ZNF503: variants seen among roughly 807,000 people sequenced by gnomAD.
The protein encoded by ZNF503 is NocA-like zinc finger 2.
Under a neutral mutation model 34.4 loss-of-function variants are expected in ZNF503, and 15 were observed. The ratio of observed to expected loss-of-function variants is 0.44; its 90% confidence interval spans 0.29 to 0.67. The LOEUF (loss-of-function observed/expected upper bound fraction) is 0.67. Ranked by LOEUF, ZNF503 falls within the 30% of genes least tolerant of loss-of-function variation. The pLI, the probability that ZNF503 is intolerant of heterozygous loss-of-function variation, is 0.13. For synonymous variants in ZNF503, 580 were observed against 456.8 expected, an observed-to-expected ratio of 1.27 and a Z score of -3.44; for missense variants, 1,007 against 926.8, an observed-to-expected ratio of 1.09 and a Z score of -1.12.
chr10:75,367,783 T>C, the ZNF503 span, among the ~76,000 whole-genome samples: 2 of 152,196 alleles, frequency 1.3e-5, no homozygotes, highest in Non-Finnish European at 2.9e-5. Context: ...CTGGTTATTA[T>C]TTTATCACAG....
rs1378637255 is a variant in ZNF503 at position 75,398,733 on chromosome 10, G to T, written c.*16C>A. On this transcript the variant is annotated 3_prime_UTR_variant, in exon 2 of 2. Transcript: ENST00000372524. The stretch of plus-strand genomic sequence containing the variant: ...CCCCTCTCCCTCCTCTCCCTCGCTC[G>T]CCCTCCCGGCCGCCCTCACTGATAC... 7.4e-7 allele frequency: 1 copy of T among 1,349,920 alleles called. No individual in the cohort carries two copies. Among genetic ancestry groups the T allele is most frequent in the East Asian group, 2.9e-5 (1 of 34,808 alleles). 83.6% of individuals were successfully genotyped at this position (1,349,920 alleles called of 1,614,324 possible).
At chr10:75,334,906 C>T in the ZNF503 span, among the ~76,000 whole-genome samples, 1 of 152,202 alleles carries the variant, frequency 6.6e-6, no homozygotes, top group African/African-American at 2.4e-5. Flanking sequence ...CATTTTTCTT[C>T]ATGATCTTTG....
the ZNF503 span, among the ~76,000 whole-genome samples, chr10:75,366,057 G>C: frequency 6.6e-6 from 1 of 152,214 alleles, no homozygotes; most frequent in South Asian, 2.1e-4. Context: ...TGGCCGCAAA[G>C]ATTCAGTTAG....
rs943580876 is a variant in ZNF503 at position 75,401,511 on chromosome 10, C to T, written c.-92G>A. 2.7e-5 allele frequency: 39 copies of T among 1,436,626 alleles called. No homozygotes were observed. Among genetic ancestry groups the T allele is most frequent in the Non-Finnish European group, 3.2e-5 (35 of 1,085,760 alleles). 89.0% of individuals were successfully genotyped at this position (1,436,626 alleles called of 1,614,324 possible). ...TGCGCGCTCGCCCCGGGAGCAGGAG[C>T]AGCGGGAGGAGGAGGAGCTGGCGCG... On this transcript the variant is annotated 5_prime_UTR_variant, in exon 1 of 2. Transcript: ENST00000372524.
Position 75,401,495 on chromosome 10 carries a change from G to T in ZNF503, c.-76C>A. On this transcript the variant is annotated 5_prime_UTR_variant, in exon 1 of 2. Coordinates refer to ENST00000372524, the MANE Select transcript of ZNF503 (RefSeq NM_032772.6). ...GGGGCGGGCTCGGGGCTGCGCGCTCGCCCCGGGAGCAGGAGCAGCGGGAGG... is the reference window on the plus strand; with the variant it reads ...GGGGCGGGCTCGGGGCTGCGCGCTCTCCCCGGGAGCAGGAGCAGCGGGAGG... 6.9e-7 allele frequency: 1 copy of T among 1,457,834 alleles called. No homozygotes were observed. The highest frequency in any genetic ancestry group is 9.0e-7 in the Non-Finnish European group (1 of 1,107,644). The allele number at this position is 1,457,834 out of a possible 1,614,324, so 90.3% of individuals were successfully genotyped here.
At chr10:75,383,954 T>A in the ZNF503 span, among the ~76,000 whole-genome samples, 1 of 152,230 alleles carries the variant, frequency 6.6e-6, no homozygotes, top group African/African-American at 2.4e-5. Context: ...GTCCTTGTGC[T>A]GAACTCTCAG....
the ZNF503 span, among the ~76,000 whole-genome samples, chr10:75,389,718 A>C: frequency 6.6e-6 from 1 of 152,172 alleles, no homozygotes; most frequent in Non-Finnish European, 1.5e-5. Context: ...CGACAAAACG[A>C]GACTCCATCT....
the ZNF503 span, among the ~76,000 whole-genome samples, chr10:75,339,087 CG>C: frequency 6.6e-6 from 1 of 152,072 alleles, no homozygotes; most frequent in South Asian, 2.1e-4. Flanking sequence ...AAAAATTAGC[CG>C]GACATTATGG....
the ZNF503 span, among the ~76,000 whole-genome samples, chr10:75,289,999 C>T: frequency 6.6e-6 from 1 of 152,202 alleles, no homozygotes; most frequent in Non-Finnish European, 1.5e-5. Flanking sequence ...CAATAATTCC[C>T]CATTCTCTCT....
Position 75,399,264 on chromosome 10 carries a change from G to GCAGCGGGTGCGTGGGGTACAC in ZNF503, c.1405_1425dup (p.Val469_Leu475dup). 6.3e-7 allele frequency: 1 copy of GCAGCGGGTGCGTGGGGTACAC among 1,597,674 alleles called. No homozygotes were observed. Among genetic ancestry groups the GCAGCGGGTGCGTGGGGTACAC allele is most frequent in the Non-Finnish European group, 8.5e-7 (1 of 1,172,562 alleles). ...GCCGTTAGCGAGGAGTGCACACCGT[G>GCAGCGGGTGCGTGGGGTACAC]CAGCGGGTGCGTGGGGTACACCAGC... On this transcript the variant is annotated inframe_insertion, in exon 2 of 2. Transcript: ENST00000372524.
the ZNF503 span, among the ~76,000 whole-genome samples, chr10:75,359,650 G>A: frequency 6.6e-6 from 1 of 152,202 alleles, no homozygotes; most frequent in African/African-American, 2.4e-5. Context: ...AATGTCTGGG[G>A]TCCCCAGGAG....
Position 75,401,144 on chromosome 10 carries a change from G to A in ZNF503, c.276C>T (p.Tyr92=), listed in dbSNP as rs763757404. Residue 92 remains tyrosine (Y), a synonymous_variant, in exon 1 of 2, where the codon TAC becomes TAT. Transcript: ENST00000372524. ...ARTGHILHPE[Y]LQPLPSTPVS... ...CCGGCGTGGAAGGCAGGGGCTGCAG[G>A]TACTCGGGGTGCAAAATGTGGCCAG... 1.2e-5 allele frequency: 20 copies of A among 1,612,366 alleles called. No individual in the cohort carries two copies. The highest frequency in any genetic ancestry group is 2.2e-5 in the South Asian group (2 of 90,930).
chr10:75,291,524 T>C, the ZNF503 span, among the ~76,000 whole-genome samples: 2 of 152,062 alleles, frequency 1.3e-5, no homozygotes, highest in Non-Finnish European at 2.9e-5. Context: ...AGGGGGAGGA[T>C]TGCTTGAGCC....
rs1843830057 is a variant in ZNF503 at position 75,401,719 on chromosome 10, C to T, written c.-300G>A. The T allele has an allele frequency of 1.5e-5, 6 of 398,924 alleles. No homozygotes were observed. Among genetic ancestry groups the T allele is most frequent in the Middle Eastern group, 6.6e-4 (1 of 1,526 alleles). 24.7% of individuals were successfully genotyped at this position (398,924 alleles called of 1,614,324 possible). A position where few individuals can be genotyped will look rare whatever the true frequency, so the allele number is the denominator to read the frequency against. Reference sequence around the variant, plus strand: ...CTGCGTTCTCGCGGCCCCGCGCCGGCGCTGCGCTCTGCGATGCGAGCCGCT... The same window carrying T: ...CTGCGTTCTCGCGGCCCCGCGCCGGTGCTGCGCTCTGCGATGCGAGCCGCT... On this transcript the variant is annotated 5_prime_UTR_variant, in exon 1 of 2. Transcript: ENST00000372524.
the ZNF503 span, among the ~76,000 whole-genome samples, chr10:75,284,531 C>G: frequency 1.3e-5 from 2 of 152,152 alleles, no homozygotes; most frequent in South Asian, 4.1e-4. Flanking sequence ...GGTCCAGAAC[C>G]TTCTATCATC....
At chr10:75,320,074 C>T in the ZNF503 span, among the ~76,000 whole-genome samples, 1 of 152,144 alleles carries the variant, frequency 6.6e-6, no homozygotes, top group African/African-American at 2.4e-5. Flanking sequence ...TTTTTCAGTT[C>T]ATTTCATGAG....
chr10:75,356,436 C>T, the ZNF503 span, among the ~76,000 whole-genome samples: 10 of 152,122 alleles, frequency 6.6e-5, no homozygotes, highest in Non-Finnish European at 4.4e-5. Context: ...AGGATGGTCT[C>T]GATCTCCTGA....
At chr10:75,395,100 G>C (rs995315428), downstream of ZNF503, among the ~76,000 whole-genome samples, 13 of 152,208 alleles carry the variant, frequency 8.5e-5, no homozygotes, top group African/African-American at 3.1e-4. This position sits in a 1 kb window ranked among gnomAD's most constrained non-coding sequence, Gnocchi z 4.4. Flanking sequence ...AGGAGTGGGC[G>C]CTAGGAAATC....
chr10:75,375,959 G>C, the ZNF503 span, among the ~76,000 whole-genome samples: 13 of 152,218 alleles, frequency 8.5e-5, no homozygotes, highest in Admixed American at 2.0e-4. Flanking sequence ...TGAGAAGTGA[G>C]AGAGGGAACC....
Sources: gnomAD v4.1 joint callset for allele counts (sites outside exome capture counted in the v4.1 genomes callset) on GRCh38, gnomAD v4.1.1 for gene constraint, Gnocchi (gnomAD v3.1) non-coding constraint, MANE v1.5 for transcripts, NCBI Gene and HGNC (gene_info 2026-07-23, HGNC 2026-07-21) for gene names.